The following IL19 variants were observed in gnomAD, a reference collection of about 807,000 sequenced individuals.
IL19 encodes interleukin-19.
In IL19, 15 loss-of-function variants were observed where a neutral mutation model predicts 19.5. That is an observed-to-expected ratio of 0.77 (90% CI 0.52 to 1.19). IL19 has a LOEUF of 1.19. Ranked by LOEUF, IL19 falls within the 50% of genes most tolerant of loss-of-function variation. The probability of loss-of-function intolerance (pLI) is 0.00; values close to 1 mark genes in which losing one functional copy is unlikely to be tolerated. For synonymous variants in IL19, 78 were observed against 78.3 expected, an observed-to-expected ratio of 1.00 and a Z score of 0.02; for missense variants, 199 against 213.1, an observed-to-expected ratio of 0.93 and a Z score of 0.41.
At chr1:206,795,927 A>ATATG (rs1553439245) in intron 1 of IL19, among the ~76,000 whole-genome samples, 18 of 133,614 alleles carry the variant, frequency 1.3e-4, no homozygotes, top group South Asian at 7.2e-4. Flanking sequence ...AAATATATAT[A>ATATG]TGTGTGTGTG....
intron 2 of IL19, among the ~76,000 whole-genome samples, chr1:206,808,523 G>GTGTGTGTC (rs1262058059): frequency 6.8e-6 from 1 of 148,068 alleles, no homozygotes; most frequent in East Asian, 2.0e-4. Flanking sequence ...GTGTGTGTGT[G>GTGTGTGTC]TGCCCATGTG....
At chr1:206,818,071 G>A (rs543162442) in intron 2 of IL19, among the ~76,000 whole-genome samples, 4 of 152,248 alleles carry the variant, frequency 2.6e-5, no homozygotes, top group African/African-American at 9.6e-5. Flanking sequence ...GCCAATTATG[G>A]TAGAAGATTT....
chr1:206,792,182 A>G (rs375012273), intron 1 of IL19, among the ~76,000 whole-genome samples: 1 of 152,206 alleles, frequency 6.6e-6, no homozygotes, highest in South Asian at 2.1e-4. Context: ...CCACCCTGGA[A>G]ATAGTATACA....
chr1:206,781,935 ATATGTATATAGT>A (rs1675149477), intron 1 of IL19, among the ~76,000 whole-genome samples: 2 of 107,652 alleles, frequency 1.9e-5, no homozygotes, highest in Admixed American at 2.0e-4. Flanking sequence ...ATATACATAT[ATATGTATATAGT>A]TATATATACA....
At chr1:206,776,427 G>GGTGTGTGT (rs2234655) in intron 1 of IL19, among the ~76,000 whole-genome samples, 11 of 148,358 alleles carry the variant, frequency 7.4e-5, no homozygotes, top group African/African-American at 1.2e-4. Context: ...GAACTGCTGG[G>GGTGTGTGT]GTGTGTGTGT....
chr1:206,836,288 C>T lies in IL19; in HGVS notation c.-2-373C>T, dbSNP rs146489585. On this transcript the variant is annotated intron_variant, in intron 2 of 6. Coordinates refer to ENST00000659997, the MANE Select transcript of IL19 (RefSeq NM_153758.5). ...CCGAATTCCTAGGGCATCTTACCAA[C>T]CCTGCTTTTCCTATTTAATTTATTA... Among the ~76,000 whole-genome samples the T allele has an allele frequency of 7.9e-5, 12 of 152,322 alleles. No homozygotes were observed. In the East Asian group the frequency reaches 2.3e-3, roughly 29 times the overall value.
At chr1:206,825,529 T>C (rs1361563376) in intron 2 of IL19, among the ~76,000 whole-genome samples, 3 of 152,234 alleles carry the variant, frequency 2.0e-5, no homozygotes, top group African/African-American at 7.2e-5. Context: ...ATTCAACTCT[T>C]CAGTAGCCAG....
chr1:206,777,728 A>G (rs922262677), intron 1 of IL19, among the ~76,000 whole-genome samples: 8 of 152,260 alleles, frequency 5.3e-5, no homozygotes, highest in African/African-American at 1.9e-4. Flanking sequence ...CTGATGAAGA[A>G]GCCCCTCCGG....
At chr1:206,786,740 C>T (rs1478901110) in intron 1 of IL19, among the ~76,000 whole-genome samples, 30 of 152,032 alleles carry the variant, frequency 2.0e-4, no homozygotes, top group Admixed American at 2.0e-3. Flanking sequence ...ATGCTGAGCT[C>T]TTCATATTGA....
chr1:206,809,891 C>G (rs1675955383), intron 2 of IL19, among the ~76,000 whole-genome samples: 1 of 152,224 alleles, frequency 6.6e-6, no homozygotes, highest in African/African-American at 2.4e-5. Flanking sequence ...GCAATCACCA[C>G]CAGGTGTGGA....
intron 4 of IL19, among the ~76,000 whole-genome samples, chr1:206,837,314 G>C (rs1676830708): frequency 6.6e-6 from 1 of 152,138 alleles, no homozygotes; most frequent in African/African-American, 2.4e-5. Context: ...AGGTCCCATG[G>C]AGGTAGCTAA....
intron 1 of IL19, among the ~76,000 whole-genome samples, chr1:206,781,414 C>CAAA (rs57060549): frequency 1.0e-3 from 45 of 42,962 alleles, no homozygotes; most frequent in Middle Eastern, 0.016. Context: ...GACTCTGTCT[C>CAAA]AAAAAAAAAA....
In IL19 at chr1:206,800,341, TC is replaced by T. The variant is rs1675649614; in HGVS notation, c.-3+1338del. 5.3e-5 allele frequency among the ~76,000 whole-genome samples: 8 copies of T among 152,158 alleles called. No individual in the cohort carries two copies. The South Asian group carries it at 1.5e-3, about 28-fold the overall frequency. ...CCAGCATTGCCCTGGAGGAGTTGTCTCCCTGGGGCAGGGCAGTGGTGGTGGG... is the reference window on the plus strand; with the variant it reads ...CCAGCATTGCCCTGGAGGAGTTGTCTCCTGGGGCAGGGCAGTGGTGGTGGG... On this transcript the variant is annotated intron_variant, in intron 2 of 6. Transcript: ENST00000659997.
At chr1:206,790,123 A>G (rs1675360689) in intron 1 of IL19, among the ~76,000 whole-genome samples, 1 of 152,206 alleles carries the variant, frequency 6.6e-6, no homozygotes, top group African/African-American at 2.4e-5. Flanking sequence ...ACTCTTTTCC[A>G]TAAAGGTTGT....
chr1:206,792,058 A>G (rs1675420688), intron 1 of IL19, among the ~76,000 whole-genome samples: 1 of 152,156 alleles, frequency 6.6e-6, no homozygotes, highest in African/African-American at 2.4e-5. Context: ...GCAGATGCCC[A>G]CTTCTCTGGA....
intron 6 of IL19, 142 bp from the exon 7 acceptor site, chr1:206,842,385 C>G (rs1356454385): frequency 1.8e-6 from 1 of 556,942 alleles, no homozygotes; most frequent in Non-Finnish European, 3.2e-6. Context: ...AATATTGAGT[C>G]TGTATGTTAT....
At chr1:206,806,176 T>C (rs1051151159) in intron 2 of IL19, among the ~76,000 whole-genome samples, 7 of 152,220 alleles carry the variant, frequency 4.6e-5, no homozygotes, top group African/African-American at 1.7e-4. Flanking sequence ...GTTGTTGCCT[T>C]AATTTCACCG....
intron 2 of IL19, among the ~76,000 whole-genome samples, chr1:206,803,640 T>C (rs914863624): frequency 2.6e-5 from 4 of 152,158 alleles, no homozygotes; most frequent in African/African-American, 7.2e-5. Context: ...TGGGGGCTGA[T>C]GGGGCTGCCT....
At chr1:206,777,124 G>A (rs1189702844) in intron 1 of IL19, among the ~76,000 whole-genome samples, 1 of 151,312 alleles carries the variant, frequency 6.6e-6, no homozygotes, top group Non-Finnish European at 1.5e-5. Context: ...CCAGCTACTC[G>A]GGAGGCTGAG....
Sources: gnomAD v4.1 joint callset for allele counts (sites outside exome capture counted in the v4.1 genomes callset) on GRCh38, gnomAD v4.1.1 for gene constraint, MANE v1.5 for transcripts, NCBI Gene and HGNC (gene_info 2026-07-23, HGNC 2026-07-21) for gene names.